SLC9A9: variants seen among roughly 807,000 people sequenced by gnomAD.
SLC9A9 encodes the protein sodium/hydrogen exchanger 9.
A neutral mutation model predicts 77.8 loss-of-function variants in SLC9A9; 62 were observed. That is an observed-to-expected ratio of 0.80 (90% CI 0.65 to 0.98). The LOEUF is 0.98. Among genes scored for constraint, SLC9A9 ranks in the 50% least tolerant of loss-of-function variants. SLC9A9 has a pLI of 0.00. For synonymous variants in SLC9A9, 320 were observed against 283.5 expected (o/e 1.13, Z -1.29); for missense variants, 775 against 774.9 (o/e 1.00, Z 0.00).
At chr3:143,407,612 GAGA>G (rs2034007367) in intron 12 of SLC9A9, among the ~76,000 whole-genome samples, 1 of 152,088 alleles carries the variant, frequency 6.6e-6, no homozygotes. Flanking sequence ...CTTAATTTCA[GAGA>G]ATTGCAAGTT....
rs1404120824 is a variant in SLC9A9, at chr3:143,763,579, T to C, written c.533+31422A>G. On this transcript the variant is annotated intron_variant, in intron 4 of 15. Transcript: ENST00000316549. ...TATCAATTCAGCCTCCTGTGATAGG[T>C]GTTACTAAAAACCTTTGAAGAACTT... 2.6e-5 allele frequency among the ~76,000 whole-genome samples: 4 copies of C among 152,194 alleles called. No individual in the cohort carries two copies. In the East Asian group the frequency reaches 7.7e-4, roughly 29 times the overall value.
intron 6 of SLC9A9, among the ~76,000 whole-genome samples, chr3:143,594,460 AC>A (rs58493422): frequency 0.14 from 20,639 of 152,156 alleles, 1,516 homozygotes; most frequent in African/African-American, 0.16. Context: ...TTTACATATC[AC>A]TAGAGGAAAT....
At chr3:143,835,068 G>A (rs2009534867) in intron 1 of SLC9A9, among the ~76,000 whole-genome samples, 1 of 152,094 alleles carries the variant, frequency 6.6e-6, no homozygotes, top group African/African-American at 2.4e-5. Flanking sequence ...CATTAATCTT[G>A]CCAAACTTTT....
In SLC9A9 at chr3:143,268,363, C is replaced by A. The variant is rs1419597584; in HGVS notation, c.1710+512G>T. Among the ~76,000 whole-genome samples, 7 of 152,158 alleles carry A rather than the reference C, an allele frequency of 4.6e-5. No individual in the cohort carries two copies. In the South Asian group the frequency reaches 1.5e-3, roughly 32 times the overall value. On this transcript the variant is annotated intron_variant, in intron 15 of 15. Transcript: ENST00000316549. ...ATTTTATGGTTAAAAATATTGGTAA[C>A]AATAAAAGAGAATAAGCCAACATCA...
intron 8 of SLC9A9, among the ~76,000 whole-genome samples, chr3:143,556,788 G>T (rs987077981): frequency 6.6e-6 from 1 of 152,002 alleles, no homozygotes; most frequent in African/African-American, 2.4e-5. Context: ...ATTCTCTTGT[G>T]GTTATCTTCT....
At chr3:143,354,750 T>C (rs73867625) in intron 14 of SLC9A9, among the ~76,000 whole-genome samples, 85 of 152,354 alleles carry the variant, frequency 5.6e-4, no homozygotes, top group African/African-American at 2.0e-3. Flanking sequence ...TTTTTGTAAG[T>C]CCTATCATCT....
chr3:143,411,598 A>T (rs1293937628), intron 12 of SLC9A9, among the ~76,000 whole-genome samples: 2 of 152,190 alleles, frequency 1.3e-5, no homozygotes, highest in Non-Finnish European at 2.9e-5. Flanking sequence ...AAAATTCAGA[A>T]ATATCATTCT....
In SLC9A9 at chr3:143,717,084, C is replaced by T. The variant is rs372417312; in HGVS notation, c.534-23777G>A. 7.2e-3 allele frequency among the ~76,000 whole-genome samples: 1,069 copies of T among 149,266 alleles called. 18 individuals are homozygous for T. Among genetic ancestry groups the T allele is most frequent in the African/African-American group, 0.026 (993 of 38,782 alleles). On this transcript the variant is annotated intron_variant, in intron 4 of 15. Coordinates refer to ENST00000316549, the MANE Select transcript of SLC9A9 (RefSeq NM_173653.4). ...GCCTCCCAGGGTGGGTATGCCATGGCAGAACCCCTTCTGGGATATAAGGGA... is the reference window on the plus strand; with the variant it reads ...GCCTCCCAGGGTGGGTATGCCATGGTAGAACCCCTTCTGGGATATAAGGGA...
At chr3:143,408,595 C>A (rs2034031476) in intron 12 of SLC9A9, among the ~76,000 whole-genome samples, 1 of 152,220 alleles carries the variant, frequency 6.6e-6, no homozygotes, top group African/African-American at 2.4e-5. Flanking sequence ...GATACCTGAA[C>A]CTTTTCTAAG....
intron 12 of SLC9A9, among the ~76,000 whole-genome samples, chr3:143,451,994 A>G (rs1453729084): frequency 6.6e-6 from 1 of 152,124 alleles, no homozygotes; most frequent in Non-Finnish European, 1.5e-5. Flanking sequence ...AAATATAGGT[A>G]AAGATACAGA....
intron 12 of SLC9A9, among the ~76,000 whole-genome samples, chr3:143,446,273 G>T (rs2034839632): frequency 6.6e-6 from 1 of 152,042 alleles, no homozygotes; most frequent in African/African-American, 2.4e-5. Context: ...TTGTAATATG[G>T]TGGAAGGTGG....
chr3:143,441,692 A>T (rs1362944685), intron 12 of SLC9A9, among the ~76,000 whole-genome samples: 1 of 151,786 alleles, frequency 6.6e-6, no homozygotes, highest in East Asian at 1.9e-4. Context: ...TGTGCTCTGG[A>T]TGGGCTGTGG....
At chr3:143,406,978 G>GAAAAAA (rs57344964) in intron 12 of SLC9A9, among the ~76,000 whole-genome samples, 231 of 65,080 alleles carry the variant, frequency 3.5e-3, no homozygotes, top group Non-Finnish European at 4.3e-3. Context: ...TCCATCTCGA[G>GAAAAAA]AAAAAAAAAA....
intron 5 of SLC9A9, among the ~76,000 whole-genome samples, chr3:143,665,856 A>T (rs113648890): frequency 7.2e-5 from 11 of 152,326 alleles, no homozygotes; most frequent in African/African-American, 2.4e-4. Context: ...TACCAACCAA[A>T]AAAGTCCGGG....
At chr3:143,307,082 T>C (rs2030819798) in intron 14 of SLC9A9, among the ~76,000 whole-genome samples, 1 of 152,248 alleles carries the variant, frequency 6.6e-6, no homozygotes, top group South Asian at 2.1e-4. Context: ...AGTTTGTCTG[T>C]TCTTTCTAAT....
intron 14 of SLC9A9, among the ~76,000 whole-genome samples, chr3:143,291,174 C>G (rs958107206): frequency 6.6e-6 from 1 of 152,172 alleles, no homozygotes; most frequent in Non-Finnish European, 1.5e-5. Context: ...TAAAGCTCAT[C>G]CTTCACATGC....
intron 1 of SLC9A9, among the ~76,000 whole-genome samples, chr3:143,837,286 T>C (rs1226251222): frequency 6.6e-6 from 1 of 152,172 alleles, no homozygotes; most frequent in Non-Finnish European, 1.5e-5. Context: ...AGTTGCACAA[T>C]GCAGCAAGCA....
At chr3:143,759,537 G>T (rs559117116) in intron 4 of SLC9A9, among the ~76,000 whole-genome samples, 1 of 152,092 alleles carries the variant, frequency 6.6e-6, no homozygotes, top group Admixed American at 6.6e-5. Context: ...AATAGAAAGT[G>T]AGCCCTCTCT....
At chr3:143,629,932 G>C (rs923169664) in intron 6 of SLC9A9, among the ~76,000 whole-genome samples, 1 of 152,108 alleles carries the variant, frequency 6.6e-6, no homozygotes, top group Non-Finnish European at 1.5e-5. Context: ...AGGACCAATG[G>C]AGGATGTCAA....
Sources: gnomAD v4.1 joint callset for allele counts (sites outside exome capture counted in the v4.1 genomes callset) on GRCh38, gnomAD v4.1.1 for gene constraint, MANE v1.5 for transcripts, NCBI Gene and HGNC (gene_info 2026-07-23, HGNC 2026-07-21) for gene names.